The following MSRA variants were observed in gnomAD, a reference collection of about 807,000 sequenced individuals.
The protein encoded by MSRA is mitochondrial peptide methionine sulfoxide reductase.
Under a neutral mutation model 31.3 loss-of-function variants are expected in MSRA, and 54 were observed. The observed-to-expected ratio is 1.73, with a 90% CI of 1.39 to 2.17. The LOEUF (loss-of-function observed/expected upper bound fraction) is 2.17, where lower values mean the gene tolerates loss of function less well. MSRA is among the 30% of genes most tolerant of loss of function. MSRA has a pLI of 0.00. For synonymous variants in MSRA, 169 were observed against 116.5 expected (o/e 1.45, Z -2.90); for missense variants, 507 against 300.9 (o/e 1.69, Z -5.07).
intron 1 of MSRA, among the ~76,000 whole-genome samples, chr8:10,104,261 C>G (rs958169722): frequency 5.3e-5 from 8 of 152,134 alleles, no homozygotes; most frequent in Non-Finnish European, 8.8e-5. Flanking sequence ...GCCATTCTCC[C>G]AAGTATTTGT....
intron 3 of MSRA, among the ~76,000 whole-genome samples, chr8:10,249,444 C>T (rs1227232580): frequency 1.3e-5 from 2 of 152,326 alleles, no homozygotes; most frequent in Non-Finnish European, 2.9e-5. Context: ...CTGGAGATTT[C>T]CTATCCCTTG....
At chr8:10,426,828 A>T (rs1018783367) in intron 5 of MSRA, among the ~76,000 whole-genome samples, 1 of 152,234 alleles carries the variant, frequency 6.6e-6, no homozygotes, top group Non-Finnish European at 1.5e-5. Context: ...AATAATTGCT[A>T]GTTTACAAAA....
At chr8:10,209,647 G>A (rs6991853) in intron 2 of MSRA, among the ~76,000 whole-genome samples, 50,939 of 151,980 alleles carry the variant, frequency 0.34, 10,586 homozygotes, top group African/African-American at 0.59. Context: ...ACTTTCAGCG[G>A]GCAACTTCCC....
chr8:10,193,417 C>G (rs1420537795), intron 1 of MSRA, among the ~76,000 whole-genome samples: 1 of 152,190 alleles, frequency 6.6e-6, no homozygotes, highest in Non-Finnish European at 1.5e-5. Flanking sequence ...TAATTTTATT[C>G]AGCAAAGCTC....
At chr8:10,386,829 G>A (rs1806421485) in intron 5 of MSRA, among the ~76,000 whole-genome samples, 1 of 149,394 alleles carries the variant, frequency 6.7e-6, no homozygotes, top group Non-Finnish European at 1.5e-5. Context: ...GGAAAAATGG[G>A]ATTCGAACCC....
At chr8:10,339,019 G>A (rs757338665) in intron 5 of MSRA, among the ~76,000 whole-genome samples, 1 of 152,212 alleles carries the variant, frequency 6.6e-6, no homozygotes, top group East Asian at 1.9e-4. Flanking sequence ...AGTGATGAAA[G>A]ATCTGGCATT....
intron 1 of MSRA, among the ~76,000 whole-genome samples, chr8:10,127,071 C>G (rs565824894): frequency 2.0e-5 from 3 of 152,296 alleles, no homozygotes; most frequent in Admixed American, 6.5e-5. Flanking sequence ...GAACATACTA[C>G]CAGACATTTC....
At chr8:10,112,214 A>G (rs1800342130) in intron 1 of MSRA, among the ~76,000 whole-genome samples, 1 of 152,244 alleles carries the variant, frequency 6.6e-6, no homozygotes, top group South Asian at 2.1e-4. Flanking sequence ...AAACAAAAGA[A>G]TAGTTCTTAG....
At chr8:10,250,159 C>T (rs995946323) in intron 3 of MSRA, among the ~76,000 whole-genome samples, 1 of 152,084 alleles carries the variant, frequency 6.6e-6, no homozygotes, top group African/African-American at 2.4e-5. Context: ...TGCAAACCAA[C>T]TGATTAACTG....
chr8:10,181,984 G>C (rs1158668230), intron 1 of MSRA, among the ~76,000 whole-genome samples: 1 of 152,026 alleles, frequency 6.6e-6, no homozygotes, highest in Non-Finnish European at 1.5e-5. Flanking sequence ...TCAAAATACA[G>C]ACATATGGGT....
chr8:10,366,493 C>G (rs1311439208), intron 5 of MSRA, among the ~76,000 whole-genome samples: 1 of 152,242 alleles, frequency 6.6e-6, no homozygotes, highest in African/African-American at 2.4e-5. Context: ...ATTCCGGAGT[C>G]AAGGCATGCT....
At chr8:10,099,913 TG>T (rs1316537264) in intron 1 of MSRA, among the ~76,000 whole-genome samples, 2 of 152,208 alleles carry the variant, frequency 1.3e-5, no homozygotes, top group African/African-American at 4.8e-5. Flanking sequence ...CTTGGTGGTG[TG>T]GCCTGAGCAT....
At chr8:10,227,756 G>C (rs954075306) in intron 2 of MSRA, among the ~76,000 whole-genome samples, 4 of 152,176 alleles carry the variant, frequency 2.6e-5, no homozygotes, top group African/African-American at 9.7e-5. Flanking sequence ...AAGGTAATTA[G>C]TTGCCATCAA....
At chr8:10,265,415 G>C (rs905730222) in intron 3 of MSRA, among the ~76,000 whole-genome samples, 3 of 152,194 alleles carry the variant, frequency 2.0e-5, no homozygotes, top group Non-Finnish European at 4.4e-5. Flanking sequence ...GCTGGAAATA[G>C]TGACCTATGC....
intron 5 of MSRA, among the ~76,000 whole-genome samples, chr8:10,323,786 C>A (rs1187116903): frequency 5.7e-5 from 5 of 87,968 alleles, no homozygotes; most frequent in Admixed American, 5.5e-4. Flanking sequence ...CTGTGTCTGT[C>A]TGTCTGCATG....
intron 1 of MSRA, among the ~76,000 whole-genome samples, chr8:10,104,547 T>G (rs1241945480): frequency 2.0e-5 from 3 of 152,180 alleles, no homozygotes; most frequent in Non-Finnish European, 4.4e-5. Context: ...GGCGACTGGT[T>G]GAAAGAATTA....
chr8:10,245,643 G>C (rs1019273766), intron 3 of MSRA, among the ~76,000 whole-genome samples: 2 of 152,202 alleles, frequency 1.3e-5, no homozygotes, highest in African/African-American at 4.8e-5. Context: ...AGTTGGTGCT[G>C]GCTGCTGGTT....
At chr8:10,406,567 G>C (rs978298608) in intron 5 of MSRA, among the ~76,000 whole-genome samples, 1 of 152,168 alleles carries the variant, frequency 6.6e-6, no homozygotes, top group Admixed American at 6.5e-5. Context: ...ACAGGAATGG[G>C]GGCCACAGAG....
chr8:10,333,758 A>G (rs943434716), intron 5 of MSRA, among the ~76,000 whole-genome samples: 2 of 148,236 alleles, frequency 1.3e-5, no homozygotes, highest in Admixed American at 6.7e-5. Context: ...CTTGGCTTGC[A>G]TCTCGTTTCC....
Sources: allele counts gnomAD v4.1 joint callset (sites outside exome capture counted in the v4.1 genomes callset), GRCh38; gene constraint gnomAD v4.1.1; transcripts MANE v1.5; gene names NCBI Gene and HGNC (gene_info 2026-07-23, HGNC 2026-07-21).